The following SOAT1 variants were observed in gnomAD, a reference collection of about 807,000 sequenced individuals.
SOAT1 encodes the protein acyl-coenzyme A:cholesterol acyltransferase 1.
A neutral mutation model predicts 69.5 loss-of-function variants in SOAT1; 55 were observed. The observed-to-expected ratio is 0.79, with a 90% CI of 0.64 to 0.99. The LOEUF is 0.99. Among genes scored for constraint, SOAT1 ranks in the 50% least tolerant of loss-of-function variants. The pLI, the probability that SOAT1 is intolerant of heterozygous loss-of-function variation, is 0.00. For synonymous variants in SOAT1, 231 were observed against 224.7 expected (o/e 1.03, Z -0.25); for missense variants, 580 against 669.3 (o/e 0.87, Z 1.47).
chr1:179,311,597 T>TC (rs11393259), intron 2 of SOAT1, among the ~76,000 whole-genome samples: 75,394 of 151,950 alleles, frequency 0.5, 19,673 homozygotes, highest in East Asian at 0.84. Context: ...AAATCGTTTC[T>TC]AAATTTCAGT....
At position 179,339,491 on chromosome 1, in the gene SOAT1, TC is replaced by T; in HGVS notation, c.445del (p.Leu149SerfsTer10). ...ACAATATATCACATGTTTATTGCCC[TC>T]CTCATTCTCTTTATCCTCAGCACAC... ...IRTIYHMFIA[L>X]LILFILSTLV... On this transcript the variant is annotated frameshift_variant, in exon 6 of 16. Transcript: ENST00000367619. LOFTEE classifies it high-confidence loss of function. 6.2e-7 allele frequency: 1 copy of T among 1,613,324 alleles called. No individual in the cohort carries two copies.
At chr1:179,339,692 G>C (rs1186219476) in intron 6 of SOAT1, 147 bp downstream of exon 6, 26 of 528,782 alleles carry the variant, frequency 4.9e-5, no homozygotes, top group Admixed American at 3.8e-5. Context: ...GCCCTGAAAA[G>C]TTTAACTGAT....
At chr1:179,343,490 T>G in intron 9 of SOAT1, 100 bp from the exon 10 acceptor site, 1 of 962,328 alleles carries the variant, frequency 1.0e-6, no homozygotes, top group Non-Finnish European at 1.6e-6. Flanking sequence ...ATTACAGGTG[T>G]GAGCCACCGC....
intron 2 of SOAT1, among the ~76,000 whole-genome samples, chr1:179,312,714 C>T (rs949135572): frequency 6.6e-6 from 1 of 152,178 alleles, no homozygotes; most frequent in Non-Finnish European, 1.5e-5. Flanking sequence ...CTAAGGTTCT[C>T]TCCCTGGTAG....
intron 8 of SOAT1, 139 bp downstream of exon 8, chr1:179,342,331 C>G (rs972805514): frequency 7.1e-6 from 4 of 561,784 alleles, no homozygotes; most frequent in Non-Finnish European, 1.2e-5. Context: ...CTTTCTCTCT[C>G]TCTCTCTTTT....
intron 3 of SOAT1, 38 bp from the exon 4 acceptor site, chr1:179,335,466 GTA>G: frequency 6.4e-7 from 1 of 1,564,626 alleles, no homozygotes; most frequent in South Asian, 1.1e-5. Flanking sequence ...TCACAAGCAT[GTA>G]TTAGTTCCCC....
chr1:179,313,594 A>T (rs549300915), intron 2 of SOAT1, among the ~76,000 whole-genome samples: 109 of 150,534 alleles, frequency 7.2e-4, no homozygotes, highest in Admixed American at 1.9e-3. Context: ...GTATATATAT[A>T]TTTTTTTTAG....
At chr1:179,294,388 A>G (rs989807735) in intron 1 of SOAT1, 4 of 152,216 alleles carry the variant, frequency 2.6e-5, no homozygotes, top group East Asian at 1.9e-4. Context: ...TTATTGTAAA[A>G]TATTAGGATG....
At position 179,355,850 on chromosome 1, in the gene SOAT1, GT is replaced by G. The variant is rs1295265047; in HGVS notation, c.*2210del. 1 of 152,132 alleles carries G rather than the reference GT, an allele frequency of 6.6e-6. No homozygotes were observed. Among genetic ancestry groups the G allele is most frequent in the African/African-American group, 2.4e-5 (1 of 41,416 alleles). The allele number at this position is 152,132 out of a possible 1,614,324, so 9.4% of individuals were successfully genotyped here. ...GCCCGGCCTCTGTTTCCTGTTATTA[GT>G]GATTTTCCTGCCCAAGATTGCAACA... On this transcript the variant is annotated 3_prime_UTR_variant, in exon 16 of 16. Coordinates refer to ENST00000367619, the MANE Select transcript of SOAT1 (RefSeq NM_003101.6).
intron 2 of SOAT1, among the ~76,000 whole-genome samples, chr1:179,317,304 C>T (rs866975193): frequency 3.9e-5 from 6 of 152,090 alleles, no homozygotes; most frequent in South Asian, 2.1e-4. Context: ...AAGGCCGAGG[C>T]GGGCGGATCA....
At chr1:179,304,762 C>T (rs1212846344) in intron 2 of SOAT1, among the ~76,000 whole-genome samples, 2 of 152,116 alleles carry the variant, frequency 1.3e-5, no homozygotes, top group Non-Finnish European at 2.9e-5. Flanking sequence ...GATCCTCCTG[C>T]CTCACCCTCC....
chr1:179,313,539 TG>T (rs1442426948), intron 2 of SOAT1, among the ~76,000 whole-genome samples: 18 of 142,340 alleles, frequency 1.3e-4, no homozygotes, highest in African/African-American at 4.4e-4. Flanking sequence ...TATGTATATG[TG>T]TGTATATATG....
chr1:179,305,523 T>C (rs1465573052), intron 2 of SOAT1, among the ~76,000 whole-genome samples: 1 of 152,168 alleles, frequency 6.6e-6, no homozygotes, highest in East Asian at 1.9e-4. Context: ...GATTGGCTAT[T>C]ATGAATGATG....
chr1:179,296,335 A>G (rs915268828), intron 1 of SOAT1, among the ~76,000 whole-genome samples: 2 of 152,194 alleles, frequency 1.3e-5, no homozygotes, highest in African/African-American at 4.8e-5. Context: ...ACTGTTATTC[A>G]CAGTTCTAGG....
rs763111582 is a variant in SOAT1 at position 179,347,671 on chromosome 1, C to T, written c.1189C>T (p.Arg397Cys). The T allele has an allele frequency of 1.6e-5, 26 of 1,611,988 alleles. No homozygotes were observed. The highest frequency in any genetic ancestry group is 1.6e-4 in the Middle Eastern group (1 of 6,074). Residue 397 changes from arginine (R) to cysteine (C), a missense_variant, in exon 12 of 16, where the codon CGC becomes TGC. Physicochemically the swap from Arg to Cys is radical, Grantham distance 180 (BLOSUM62 -3). Coordinates refer to ENST00000367619, the MANE Select transcript of SOAT1 (RefSeq NM_003101.6). Reference sequence around the variant, plus strand: ...GCTCAATGCCTTTGCTGAGATGTTACGCTTTGGTGACAGGATGTTCTATAA... The same window carrying T: ...GCTCAATGCCTTTGCTGAGATGTTATGCTTTGGTGACAGGATGTTCTATAA... ...CWLNAFAEML[R>C]FGDRMFYKDW...
chr1:179,348,861 G>A lies in SOAT1; in HGVS notation c.1233G>A (p.Thr411=), dbSNP rs148454408. 2.9e-5 allele frequency: 46 copies of A among 1,600,296 alleles called. No individual in the cohort carries two copies. The highest frequency in any genetic ancestry group is 2.2e-4 in the East Asian group (10 of 44,736). ...TCCCTCAGGATTGGTGGAACTCCAC[G>A]TCATACTCCAACTATTATAGAACCT... The part of the protein sequence containing the change: ...RMFYKDWWNS[T]SYSNYYRTWN... The change falls in exon 13 of 16, where the codon ACG becomes ACA. Residue 411 remains threonine, a synonymous_variant. Coordinates refer to ENST00000367619, the MANE Select transcript of SOAT1 (RefSeq NM_003101.6).
chr1:179,314,009 C>T, intron 2 of SOAT1, among the ~76,000 whole-genome samples: 1 of 152,208 alleles, frequency 6.6e-6, no homozygotes, highest in East Asian at 1.9e-4. Context: ...GAGAGCATGG[C>T]ATTAAGAGGC....
intron 5 of SOAT1, among the ~76,000 whole-genome samples, chr1:179,338,708 T>C (rs1238408592): frequency 3.9e-5 from 6 of 152,166 alleles, no homozygotes; most frequent in Admixed American, 1.3e-4. Flanking sequence ...ATTAGGATTT[T>C]AATGATAGAA....
At chr1:179,315,401 C>A (rs1665357373) in intron 2 of SOAT1, among the ~76,000 whole-genome samples, 2 of 151,674 alleles carry the variant, frequency 1.3e-5, no homozygotes, top group Admixed American at 6.6e-5. Flanking sequence ...GAGTTCCAGG[C>A]CACAGTGAGC....
Sources: allele counts gnomAD v4.1 joint callset (sites outside exome capture counted in the v4.1 genomes callset), GRCh38; gene constraint gnomAD v4.1.1; transcripts MANE v1.5; gene names NCBI Gene and HGNC (gene_info 2026-07-23, HGNC 2026-07-21).